The following DENND2B variants were observed in gnomAD, a reference collection of about 807,000 sequenced individuals.
The protein encoded by DENND2B is DENN domain-containing protein 2B.
Under a neutral mutation model 116.0 loss-of-function variants are expected in DENND2B, and 32 were observed. That is an observed-to-expected ratio of 0.28 (90% CI 0.21 to 0.37). The LOEUF is 0.37. DENND2B is among the 10% of genes least tolerant of loss of function. DENND2B has a pLI of 1.00. For synonymous variants in DENND2B, 588 were observed against 583.9 expected (o/e 1.01, Z -0.10); for missense variants, 1,276 against 1,477.7 (o/e 0.86, Z 2.24).
At chr11:8,788,751 G>GCGGTA (rs2059129660) in intron 1 of DENND2B, among the ~76,000 whole-genome samples, 1 of 152,094 alleles carries the variant, frequency 6.6e-6, no homozygotes, top group African/African-American at 2.4e-5. Context: ...CCTGAACCTG[G>GCGGTA]CGTACCCATC....
At chr11:8,828,459 G>T (rs2062063862) in intron 4 of DENND2B, among the ~76,000 whole-genome samples, 1 of 152,102 alleles carries the variant, frequency 6.6e-6, no homozygotes, top group African/African-American at 2.4e-5. Context: ...GAAGCTGGGG[G>T]TCAGGACGCA....
chr11:8,846,553 A>C (rs1352468115), intron 3 of DENND2B, among the ~76,000 whole-genome samples: 1 of 152,190 alleles, frequency 6.6e-6, no homozygotes, highest in Non-Finnish European at 1.5e-5. Flanking sequence ...GGCAGAACCT[A>C]CAGATGGGAA....
chr11:8,712,531 G>T lies in DENND2B; in HGVS notation c.2172+20C>A. 6.5e-7 allele frequency: 1 copy of T among 1,547,244 alleles called. No homozygotes were observed. The highest frequency in any genetic ancestry group is 8.7e-7 in the Non-Finnish European group (1 of 1,143,708). The stretch of plus-strand genomic sequence containing the variant: ...GGAAGAGGGGGAATATGGGCAAGGT[G>T]GGGAGAGAGAAGGCCTCACCTTGGG... On this transcript the variant is annotated intron_variant, in intron 9 of 19. Coordinates refer to ENST00000313726, the MANE Select transcript of DENND2B (RefSeq NM_213618.2). This position sits in a 1 kb window ranked among gnomAD's most constrained non-coding sequence, Gnocchi z 4.4.
chr11:8,706,547 G>T (rs1041181266), intron 13 of DENND2B, among the ~76,000 whole-genome samples: 4 of 152,036 alleles, frequency 2.6e-5, no homozygotes, highest in Non-Finnish European at 4.4e-5. Context: ...TCACCACTTA[G>T]GTCTCTGATA....
intron 1 of DENND2B, among the ~76,000 whole-genome samples, chr11:8,803,235 A>C (rs1259081259): frequency 1.3e-5 from 2 of 151,774 alleles, no homozygotes; most frequent in East Asian, 1.9e-4. Context: ...AAATACAAAA[A>C]TTAGCCAGGT....
chr11:8,702,637 C>T lies in DENND2B; in HGVS notation c.2655G>A (p.Gln885=). The part of the protein sequence containing the change: ...ECLFTCLSVR[Q]LIRIFASLLL... ...GCAGTGAGGCAAAGATTCGGATGAGCTGGCGCACACTGAGGCAGGTAAAAA... is the reference window on the plus strand; with the variant it reads ...GCAGTGAGGCAAAGATTCGGATGAGTTGGCGCACACTGAGGCAGGTAAAAA... Residue 885 remains glutamine, a synonymous_variant, in exon 14 of 20, where the codon CAG becomes CAA. Transcript: ENST00000313726. This position sits in a 1 kb window ranked among gnomAD's most constrained non-coding sequence, Gnocchi z 4.6. 1 of 1,613,944 alleles carries T rather than the reference C, an allele frequency of 6.2e-7. No individual in the cohort carries two copies. The highest frequency in any genetic ancestry group is 8.5e-7 in the Non-Finnish European group (1 of 1,180,036).
At chr11:8,717,923 A>T (rs201544589) in intron 4 of DENND2B, 31 bp from the exon 5 acceptor site, 1 of 1,595,082 alleles carries the variant, frequency 6.3e-7, no homozygotes, top group East Asian at 2.2e-5. Context: ...GAGAAGGGGG[A>T]GAAGGGAAGA....
chr11:8,694,189 C>A lies in DENND2B; in HGVS notation c.3380-59G>T. On this transcript the variant is annotated intron_variant, in intron 19 of 19. Transcript: ENST00000313726. ...GTGTTATCCCTTCCAACCTCCACTC[C>A]CTCTCCTCCTTGTAGCCCTAACCCT... 3 of 1,592,720 alleles carry A rather than the reference C, an allele frequency of 1.9e-6. No individual in the cohort carries two copies. In the Admixed American group the frequency reaches 5.0e-5, roughly 27 times the overall value.
intron 1 of DENND2B, among the ~76,000 whole-genome samples, chr11:8,807,055 C>T (rs2060926947): frequency 6.6e-6 from 1 of 152,216 alleles, no homozygotes; most frequent in Admixed American, 6.5e-5. Flanking sequence ...ACACCCTCCT[C>T]CCAAGCCCAT....
chr11:8,847,530 T>C (rs1352087808), intron 3 of DENND2B, among the ~76,000 whole-genome samples: 1 of 152,008 alleles, frequency 6.6e-6, no homozygotes, highest in Non-Finnish European at 1.5e-5. Flanking sequence ...GAAGAATGAA[T>C]ATATAGGAAA....
intron 2 of DENND2B, among the ~76,000 whole-genome samples, chr11:8,880,589 T>C (rs1455586866): frequency 1.3e-5 from 2 of 152,148 alleles, no homozygotes; most frequent in East Asian, 3.8e-4. Flanking sequence ...ACTATCTTCA[T>C]TTCTAAAATT....
At chr11:8,821,434 A>AT (rs2061760827) in intron 4 of DENND2B, among the ~76,000 whole-genome samples, 1 of 151,494 alleles carries the variant, frequency 6.6e-6, no homozygotes, top group Admixed American at 6.6e-5. Flanking sequence ...CAAAAATAAA[A>AT]AAAAAAAATT....
chr11:8,814,246 C>T (rs561390089), upstream of DENND2B, among the ~76,000 whole-genome samples: 1 of 145,464 alleles, frequency 6.9e-6, no homozygotes, highest in East Asian at 2.1e-4. Context: ...CTCACAAAGT[C>T]ATTAGAGCTG....
intron 3 of DENND2B, among the ~76,000 whole-genome samples, chr11:8,843,335 A>T (rs1050176692): frequency 6.6e-6 from 1 of 152,090 alleles, no homozygotes; most frequent in Admixed American, 6.5e-5. Context: ...TAACAAGCTA[A>T]AGGCCCTAAT....
At chr11:8,696,870 G>A (rs575999179) in intron 17 of DENND2B, among the ~76,000 whole-genome samples, 3 of 152,270 alleles carry the variant, frequency 2.0e-5, no homozygotes, top group East Asian at 1.9e-4. Flanking sequence ...TGCAACCTCC[G>A]CCTCCTGGGT....
chr11:8,772,146 C>T, intron 1 of DENND2B, among the ~76,000 whole-genome samples: 1 of 151,814 alleles, frequency 6.6e-6, no homozygotes, highest in East Asian at 1.9e-4. Context: ...CACACACACA[C>T]ACACACACAC....
intron 17 of DENND2B, 67 bp from the exon 18 acceptor site, chr11:8,696,733 G>C (rs932166616): frequency 8.8e-6 from 14 of 1,581,970 alleles, no homozygotes; most frequent in Non-Finnish European, 1.2e-5. Context: ...CAATCTTCCT[G>C]GTGTAGTCTT....
In DENND2B at chr11:8,730,274, A is replaced by G. The variant is rs1463001917; in HGVS notation, c.1016T>C (p.Val339Ala). 1 of 1,610,332 alleles carries G rather than the reference A, an allele frequency of 6.2e-7. No homozygotes were observed. Among genetic ancestry groups the G allele is most frequent in the South Asian group, 1.1e-5 (1 of 90,908 alleles). ...GASVSAGSRA[V>A]GVAGVAGEAG... ...CTCCCCCGCAACACCAGCCACTCCG[A>G]CTGCCCGGCTGCCAGCGCTCACACT... Residue 339 changes from valine to alanine, a missense_variant, in exon 3 of 20, where the codon GTC becomes GCC. Transcript: ENST00000313726. This position sits in a 1 kb window ranked among gnomAD's most constrained non-coding sequence, Gnocchi z 4.1.
intron 1 of DENND2B, chr11:8,771,629 G>A (rs1183623725): frequency 2.7e-5 from 4 of 150,516 alleles, no homozygotes; most frequent in African/African-American, 4.9e-5. Flanking sequence ...GGATGGGGGT[G>A]AGAGGAGCCT....
Sources: gnomAD v4.1 joint callset for allele counts (sites outside exome capture counted in the v4.1 genomes callset) on GRCh38, gnomAD v4.1.1 for gene constraint, Gnocchi (gnomAD v3.1) non-coding constraint, MANE v1.5 for transcripts, NCBI Gene and HGNC (gene_info 2026-07-23, HGNC 2026-07-21) for gene names.